MACROD2: variants seen among roughly 807,000 people sequenced by gnomAD.
MACROD2 encodes the protein mono-ADP ribosylhydrolase 2, also known as ADP-ribose glycohydrolase MACROD2.
In MACROD2, 36 loss-of-function variants were observed where a neutral mutation model predicts 70.4. The ratio of observed to expected loss-of-function variants is 0.51; its 90% CI spans 0.39 to 0.68. The LOEUF (loss-of-function observed/expected upper bound fraction) is 0.68, where lower values mean the gene tolerates loss of function less well. MACROD2 is among the 30% of genes least tolerant of loss of function. The pLI, the probability that MACROD2 is intolerant of heterozygous loss-of-function variation, is 0.00. For missense variants in MACROD2, 496 were observed against 538.4 expected (o/e 0.92, Z 0.78); for synonymous variants, 172 against 178.8 (o/e 0.96, Z 0.30).
intron 7 of MACROD2, among the ~76,000 whole-genome samples, chr20:15,433,177 C>T (rs993786183): frequency 1.3e-5 from 2 of 151,942 alleles, no homozygotes; most frequent in South Asian, 2.1e-4. Flanking sequence ...CACTTGTTTT[C>T]AACATAGCAC....
intron 3 of MACROD2, among the ~76,000 whole-genome samples, chr20:14,171,927 G>A (rs1238256921): frequency 6.6e-6 from 1 of 152,146 alleles, no homozygotes; most frequent in Non-Finnish European, 1.5e-5. Context: ...AGTGCTGTCA[G>A]TAGAGTATTA....
At chr20:14,546,790 C>T (rs867896446) in intron 4 of MACROD2, among the ~76,000 whole-genome samples, 2 of 152,132 alleles carry the variant, frequency 1.3e-5, no homozygotes, top group Non-Finnish European at 2.9e-5. Flanking sequence ...TGGGTATCCT[C>T]TAATCATTAC....
At chr20:14,926,566 A>G (rs566955024) in intron 5 of MACROD2, among the ~76,000 whole-genome samples, 5 of 151,322 alleles carry the variant, frequency 3.3e-5, no homozygotes, top group Admixed American at 1.3e-4. Flanking sequence ...AAAAGGAAGC[A>G]TTATGTTTGA....
chr20:15,070,325 G>T (rs988612796), intron 5 of MACROD2, among the ~76,000 whole-genome samples: 4 of 152,096 alleles, frequency 2.6e-5, no homozygotes, highest in African/African-American at 9.7e-5. Flanking sequence ...TTCAGATGAG[G>T]GTTTGGACTT....
At chr20:15,257,310 C>A (rs2077208251) in intron 6 of MACROD2, among the ~76,000 whole-genome samples, 1 of 151,924 alleles carries the variant, frequency 6.6e-6, no homozygotes, top group Non-Finnish European at 1.5e-5. Context: ...CCTCTGGGGG[C>A]AAGTGGAGGT....
At chr20:15,625,157 A>G (rs1248104523) in intron 8 of MACROD2, among the ~76,000 whole-genome samples, 3 of 152,196 alleles carry the variant, frequency 2.0e-5, no homozygotes, top group South Asian at 2.1e-4. Context: ...GGCTTACACT[A>G]TTTTGTCCAA....
At chr20:14,423,250 T>G (rs574815902) in intron 3 of MACROD2, among the ~76,000 whole-genome samples, 2 of 151,530 alleles carry the variant, frequency 1.3e-5, no homozygotes, top group African/African-American at 2.4e-5. Context: ...CGAAGATAGG[T>G]TTTTTTTTGT....
intron 8 of MACROD2, among the ~76,000 whole-genome samples, chr20:15,678,149 A>G (rs2050096448): frequency 6.6e-6 from 1 of 152,230 alleles, no homozygotes; most frequent in South Asian, 2.1e-4. Context: ...TTGCCTGAGA[A>G]CACACAAGTA....
intron 5 of MACROD2, among the ~76,000 whole-genome samples, chr20:15,191,524 G>T (rs1317729147): frequency 6.6e-6 from 1 of 152,172 alleles, no homozygotes; most frequent in African/African-American, 2.4e-5. Flanking sequence ...GCCCTTCACT[G>T]AGGAACATCA....
intron 10 of MACROD2, among the ~76,000 whole-genome samples, chr20:15,927,654 G>A (rs990822889): frequency 1.3e-5 from 2 of 152,160 alleles, no homozygotes; most frequent in Admixed American, 1.3e-4. Context: ...GCTAGGTGGA[G>A]ACTATTCACT....
At chr20:15,012,201 T>C (rs2075087909) in intron 5 of MACROD2, among the ~76,000 whole-genome samples, 2 of 152,196 alleles carry the variant, frequency 1.3e-5, no homozygotes, top group Non-Finnish European at 2.9e-5. Flanking sequence ...ACACCAATTA[T>C]GGCAAACCAT....
At chr20:14,963,467 C>T (rs1355518644) in intron 5 of MACROD2, among the ~76,000 whole-genome samples, 1 of 152,118 alleles carries the variant, frequency 6.6e-6, no homozygotes, top group African/African-American at 2.4e-5. Context: ...ACCTCCATGG[C>T]AATCCAGAGG....
chr20:14,033,337 A>G (rs2053268644), intron 2 of MACROD2, among the ~76,000 whole-genome samples: 1 of 152,026 alleles, frequency 6.6e-6, no homozygotes, highest in African/African-American at 2.4e-5. Flanking sequence ...TACAGTTACA[A>G]TAGTTTCTTT....
chr20:14,790,324 T>G (rs1043292327), intron 5 of MACROD2, among the ~76,000 whole-genome samples: 21 of 151,942 alleles, frequency 1.4e-4, no homozygotes, highest in Admixed American at 1.3e-3. Flanking sequence ...AGGCCAAAGG[T>G]CAATCCAAGG....
chr20:15,954,350 G>A (rs2065946986), intron 12 of MACROD2, among the ~76,000 whole-genome samples: 1 of 151,994 alleles, frequency 6.6e-6, no homozygotes, highest in African/African-American at 2.4e-5. Flanking sequence ...TTGTGCTTCT[G>A]CCTCAACACA....
At chr20:14,940,660 T>TC (rs1175006266) in intron 5 of MACROD2, among the ~76,000 whole-genome samples, 1 of 152,038 alleles carries the variant, frequency 6.6e-6, no homozygotes, top group Non-Finnish European at 1.5e-5. Flanking sequence ...AATGATCATT[T>TC]TTTTCCCTTG....
At chr20:14,926,942 G>T (rs562927456) in intron 5 of MACROD2, among the ~76,000 whole-genome samples, 2 of 152,166 alleles carry the variant, frequency 1.3e-5, no homozygotes, top group Non-Finnish European at 2.9e-5. Flanking sequence ...ATTATATTGG[G>T]TTTCCTGTGA....
Position 15,462,642 on chromosome 20 carries a change from C to T in MACROD2, c.571+31207C>T, listed in dbSNP as rs116694519. Among the ~76,000 whole-genome samples, 465 of 152,236 alleles carry T rather than the reference C, an allele frequency of 3.1e-3. 3 individuals carry two copies. The highest frequency in any genetic ancestry group is 0.01 in the African/African-American group (430 of 41,554). On this transcript the variant is annotated intron_variant, in intron 7 of 17. Coordinates refer to ENST00000684519, the MANE Select transcript of MACROD2 (RefSeq NM_001351661.2). ...CAAGTGATATTTTGTTTTGTTGACA[C>T]CTTGGTTTGTTGATTTGAAAGCCCA...
At chr20:15,792,932 C>T (rs2063638017) in intron 8 of MACROD2, among the ~76,000 whole-genome samples, 1 of 152,100 alleles carries the variant, frequency 6.6e-6, no homozygotes, top group African/African-American at 2.4e-5. Context: ...CTGGCTGAAC[C>T]ATTAAGGTAT....
Sources: gnomAD v4.1 joint callset for allele counts (sites outside exome capture counted in the v4.1 genomes callset) on GRCh38, gnomAD v4.1.1 for gene constraint, MANE v1.5 for transcripts, NCBI Gene and HGNC (gene_info 2026-07-23, HGNC 2026-07-21) for gene names.